Variants in NR3C2 observed in about 807,000 individuals in gnomAD.
NR3C2 encodes nuclear receptor subfamily 3 group C member 2.
NR3C2 carries 15 observed loss-of-function variants against 86.4 expected under a neutral mutation model. The ratio of observed to expected loss-of-function variants is 0.17; its 90% CI spans 0.12 to 0.27. The LOEUF (loss-of-function observed/expected upper bound fraction) is 0.27, where lower values mean the gene tolerates loss of function less well. NR3C2 is among the 10% of genes least tolerant of loss of function. The pLI, the probability that NR3C2 is intolerant of heterozygous loss-of-function variation, is 1.00. For synonymous variants in NR3C2, 458 were observed against 450.5 expected (o/e 1.02, Z -0.21); for missense variants, 960 against 1,195.6 (o/e 0.80, Z 2.91).
At chr4:148,391,009 T>G (rs1334696384) in intron 2 of NR3C2, among the ~76,000 whole-genome samples, 1 of 152,224 alleles carries the variant, frequency 6.6e-6, no homozygotes, top group East Asian at 1.9e-4. Context: ...ACACTGTAAT[T>G]GTCTCTCAAC....
At chr4:148,245,768 A>G (rs908174305) in intron 3 of NR3C2, among the ~76,000 whole-genome samples, 3 of 152,188 alleles carry the variant, frequency 2.0e-5, no homozygotes, top group Admixed American at 1.3e-4. Context: ...GCTTTATTAG[A>G]CTGAACCTGG....
chr4:148,435,467 T>C lies in NR3C2; in HGVS notation c.1394A>G (p.Asp465Gly). The change falls in exon 2 of 9, where the codon GAC (aspartate) becomes GGC (glycine). Residue 465 changes from aspartate to glycine, a missense_variant. Physicochemically the swap from Asp to Gly is moderately conservative, Grantham distance 94. This residue lies in a region of NR3C2 where 680 missense variants were observed against 719.0 expected (regional missense o/e 0.95). Transcript: ENST00000358102. ...GSYFSFMDDKDYYSLSGILGP... is the reference protein window; with the variant it reads ...GSYFSFMDDKGYYSLSGILGP... ...TAAAATTCCTGATAGGGAATAATAG[T>C]CTTTATCATCCATAAAGGAAAAATA... 1.2e-6 allele frequency: 2 copies of C among 1,614,172 alleles called. No individual in the cohort carries two copies. The highest frequency in any genetic ancestry group is 1.7e-6 in the Non-Finnish European group (2 of 1,180,018).
At position 148,363,486 on chromosome 4, in the gene NR3C2, T is replaced by C. The variant is rs570829345; in HGVS notation, c.1757+71618A>G. Among the ~76,000 whole-genome samples the C allele has an allele frequency of 1.1e-4, 17 of 148,288 alleles. No individual in the cohort carries two copies. The East Asian group carries it at 3.0e-3, about 26-fold the overall frequency. On this transcript the variant is annotated intron_variant, in intron 2 of 8. Transcript: ENST00000358102. Reference sequence around the variant, plus strand: ...ACAGCACTACTCGTAACCATTAAAGTCTAGACTTCTCATAGATCTCTTTTT... The same window carrying C: ...ACAGCACTACTCGTAACCATTAAAGCCTAGACTTCTCATAGATCTCTTTTT...
chr4:148,186,996 GTA>G (rs1162757665), intron 4 of NR3C2, among the ~76,000 whole-genome samples: 1,680 of 26,866 alleles, frequency 0.063, 16 homozygotes, highest in East Asian at 0.12. Context: ...GTGTATGTAT[GTA>G]TATATATATA....
chr4:148,149,268 C>T (rs911627772), intron 6 of NR3C2, among the ~76,000 whole-genome samples: 4 of 152,102 alleles, frequency 2.6e-5, no homozygotes, highest in Non-Finnish European at 5.9e-5. Flanking sequence ...TATTAGAAAG[C>T]ATTTATCTTT....
intron 2 of NR3C2, among the ~76,000 whole-genome samples, chr4:148,323,013 T>C (rs1743709510): frequency 1.3e-5 from 2 of 150,094 alleles, no homozygotes; most frequent in South Asian, 4.3e-4. Context: ...TGTGGTTTTA[T>C]CTACTTTTGG....
intron 2 of NR3C2, among the ~76,000 whole-genome samples, chr4:148,346,667 C>G (rs920931109): frequency 1.3e-5 from 2 of 151,952 alleles, no homozygotes; most frequent in South Asian, 4.1e-4. Context: ...TGCTACATTT[C>G]CAAGACAGTA....
intron 2 of NR3C2, among the ~76,000 whole-genome samples, chr4:148,401,414 A>G (rs2126532658): frequency 6.6e-6 from 1 of 151,720 alleles, no homozygotes; most frequent in Non-Finnish European, 1.5e-5. Context: ...GTTTTGGTCT[A>G]AATGATGCAA....
At chr4:148,387,784 A>G (rs61764777) in intron 2 of NR3C2, among the ~76,000 whole-genome samples, 2,077 of 152,350 alleles carry the variant, frequency 0.014, 66 homozygotes, top group South Asian at 0.099. Context: ...GCATCATCCA[A>G]TATATGAACT....
chr4:148,141,328 G>A (rs771386600), intron 6 of NR3C2, among the ~76,000 whole-genome samples: 3 of 151,896 alleles, frequency 2.0e-5, no homozygotes, highest in Non-Finnish European at 2.9e-5. Context: ...CAGCTACTCG[G>A]GAGGCTGAGG....
chr4:148,375,697 GC>G (rs1236873150), intron 2 of NR3C2, among the ~76,000 whole-genome samples: 1 of 151,836 alleles, frequency 6.6e-6, no homozygotes, highest in Non-Finnish European at 1.5e-5. Context: ...AAATTTCCAA[GC>G]TTTTTCTTGA....
chr4:148,268,885 A>G (rs7691250), intron 2 of NR3C2, among the ~76,000 whole-genome samples: 21,471 of 151,150 alleles, frequency 0.14, 1,753 homozygotes, highest in Middle Eastern at 0.33. Flanking sequence ...CAATTAAGTG[A>G]CTGATTACAA....
intron 2 of NR3C2, among the ~76,000 whole-genome samples, chr4:148,392,301 A>G (rs1251974906): frequency 2.0e-5 from 3 of 152,244 alleles, no homozygotes; most frequent in Admixed American, 2.0e-4. Flanking sequence ...TGTTCTATGA[A>G]TGTCCTAAAA....
At chr4:148,209,553 C>T (rs548996896) in intron 3 of NR3C2, among the ~76,000 whole-genome samples, 6 of 152,276 alleles carry the variant, frequency 3.9e-5, no homozygotes, top group African/African-American at 9.6e-5. Context: ...CTGCTATGGC[C>T]TTCTGAAGTG....
Position 148,436,664 on chromosome 4 carries a change from T to A in NR3C2, c.197A>T (p.Glu66Val), listed in dbSNP as rs1218396418. The A allele has an allele frequency of 6.2e-7, 1 of 1,614,218 alleles. No homozygotes were observed. The highest frequency in any genetic ancestry group is 1.3e-5 in the African/African-American group (1 of 75,060). ...AAGGCAAGGGAGTAGTTCTTGTTTT[T>A]CTTTGCTGCTTCCTTGAGTACTGTT... ...PNNSTQGSSK[E>V]KQELLPCLQQ... The change falls in exon 2 of 9, where the codon GAA becomes GTA. Residue 66 changes from glutamate (E) to valine (V), a missense_variant. By Grantham distance (121) the Glu-to-Val change is moderately radical (BLOSUM62 -2). This residue lies in a region of NR3C2 where 680 missense variants were observed against 719.0 expected (regional missense o/e 0.95). Transcript: ENST00000358102.
At chr4:148,291,849 C>T (rs1391519178) in intron 2 of NR3C2, among the ~76,000 whole-genome samples, 1 of 152,136 alleles carries the variant, frequency 6.6e-6, no homozygotes, top group Non-Finnish European at 1.5e-5. Flanking sequence ...ACCTACTGAA[C>T]ATTATAGCTT....
chr4:148,294,568 T>C (rs140738505), intron 2 of NR3C2, among the ~76,000 whole-genome samples: 225 of 152,212 alleles, frequency 1.5e-3, no homozygotes, highest in Middle Eastern at 6.8e-3. Context: ...TTTTCTATAG[T>C]AATTTAATGC....
intron 2 of NR3C2, among the ~76,000 whole-genome samples, chr4:148,292,955 G>A (rs977063626): frequency 6.6e-6 from 1 of 152,020 alleles, no homozygotes; most frequent in African/African-American, 2.4e-5. Flanking sequence ...AGGGAAAGGG[G>A]ACACAGAGAT....
chr4:148,194,735 A>G lies in NR3C2; in HGVS notation c.2014+11T>C, dbSNP rs754141246. The G allele has an allele frequency of 1.3e-6, 2 of 1,572,752 alleles. No homozygotes were observed. Among genetic ancestry groups the G allele is most frequent in the Non-Finnish European group, 1.7e-6 (2 of 1,147,982 alleles). On this transcript the variant is annotated intron_variant, in intron 4 of 8. Coordinates refer to ENST00000358102, the MANE Select transcript of NR3C2 (RefSeq NM_000901.5). ...TAACAATTTTTATTAAACTAAAAAT[A>G]CAAAACTTACCTCCTAAATTCATTC...
Sources: allele counts gnomAD v4.1 joint callset (sites outside exome capture counted in the v4.1 genomes callset), GRCh38; gene constraint gnomAD v4.1.1; regional missense constraint gnomAD v4.1.1; transcripts MANE v1.5; gene names NCBI Gene and HGNC (gene_info 2026-07-23, HGNC 2026-07-21).